The following CDCA8 variants were observed in gnomAD, a reference collection of about 807,000 sequenced individuals.
The protein encoded by CDCA8 is borealin.
Under a neutral mutation model 40.0 loss-of-function variants are expected in CDCA8, and 25 were observed. That is an observed-to-expected ratio of 0.63 (90% CI 0.46 to 0.87). The LOEUF is 0.87. CDCA8 is among the 40% of genes least tolerant of loss of function. CDCA8 has a pLI of 0.00. For synonymous variants in CDCA8, 111 were observed against 126.5 expected (o/e 0.88, Z 0.82); for missense variants, 280 against 348.4 (o/e 0.80, Z 1.56).
At chr1:37,706,832 C>T in intron 8 of CDCA8, 146 bp from the exon 9 acceptor site, 1 of 613,660 alleles carries the variant, frequency 1.6e-6, no homozygotes, top group Non-Finnish European at 2.9e-6. Context: ...AAGTCATTGT[C>T]TCCTTAGAGC....
intron 2 of CDCA8, among the ~76,000 whole-genome samples, chr1:37,695,368 T>TTAA (rs1278614007): frequency 7.8e-5 from 6 of 76,464 alleles, no homozygotes; most frequent in African/African-American, 3.1e-4. Flanking sequence ...CATCTCTACT[T>TTAA]AAAAAAAAAA....
chr1:37,708,593 A>G lies in CDCA8; in HGVS notation c.*227A>G. ...AGTCACTGCTTGCTGGGGCCATGCCATGGAAGCTTCCCATCAGTCTCCCAG... is the reference window on the plus strand; with the variant it reads ...AGTCACTGCTTGCTGGGGCCATGCCGTGGAAGCTTCCCATCAGTCTCCCAG... On this transcript the variant is annotated 3_prime_UTR_variant, in exon 10 of 10. Transcript: ENST00000373055. 1.8e-6 allele frequency: 1 copy of G among 566,106 alleles called. No homozygotes were observed. The highest frequency in any genetic ancestry group is 2.0e-5 in the South Asian group (1 of 48,836). 35.1% of individuals were successfully genotyped at this position (566,106 alleles called of 1,614,324 possible).
intron 5 of CDCA8, among the ~76,000 whole-genome samples, chr1:37,701,273 C>T (rs555341036): frequency 1.2e-4 from 19 of 152,132 alleles, no homozygotes; most frequent in Admixed American, 1.0e-3. Context: ...AGAGGAGCTC[C>T]TAAGGCAGAC....
intron 7 of CDCA8, 102 bp from the exon 8 acceptor site, chr1:37,705,339 C>T: frequency 9.0e-7 from 1 of 1,105,692 alleles, no homozygotes; most frequent in Non-Finnish European, 1.3e-6. Flanking sequence ...GAATGTATGA[C>T]TTAAAAACTG....
chr1:37,695,920 A>G lies in CDCA8; in HGVS notation c.234A>G (p.Gly78=). 6.2e-7 allele frequency: 1 copy of G among 1,614,026 alleles called. No individual in the cohort carries two copies. Among genetic ancestry groups the G allele is most frequent in the Non-Finnish European group, 8.5e-7 (1 of 1,179,886 alleles). ...ACGTTCTTTTTAAAGCCCTTGGAGG[A>G]AACAAACAGGCCCTGGAAGAGGCGG... ...MNWLDYFALG[G]NKQALEEAAT... Residue 78 remains glycine (G), a synonymous_variant, in exon 3 of 10, where the codon GGA becomes GGG. Coordinates refer to ENST00000373055, the MANE Select transcript of CDCA8 (RefSeq NM_001256875.2).
chr1:37,699,038 G>A, intron 4 of CDCA8, 61 bp downstream of exon 4: 1 of 1,143,818 alleles, frequency 8.7e-7, no homozygotes, highest in South Asian at 1.2e-5. Context: ...TTGCTTGGTT[G>A]GCTGCTCAGG....
intron 7 of CDCA8, among the ~76,000 whole-genome samples, chr1:37,705,081 T>G (rs2148290434): frequency 6.6e-6 from 1 of 152,314 alleles, no homozygotes; most frequent in East Asian, 1.9e-4. Flanking sequence ...TCATCCTCCT[T>G]TGCCTCTGAA....
Position 37,696,094 on chromosome 1 carries a change from A to G in CDCA8, c.264+144A>G. On this transcript the variant is annotated intron_variant, in intron 3 of 9. Coordinates refer to ENST00000373055, the MANE Select transcript of CDCA8 (RefSeq NM_001256875.2). The surrounding 1 kb of genome is among the most constrained non-coding windows in gnomAD (Gnocchi z 5.0). ...TCAACTGAAAAATTAGAGTTGGACC[A>G]GACACTGTATACATGAGACCCAGAT... 1 of 727,086 alleles carries G rather than the reference A, an allele frequency of 1.4e-6. No individual in the cohort carries two copies. Among genetic ancestry groups the G allele is most frequent in the South Asian group, 1.7e-5 (1 of 58,550 alleles). 45.0% of individuals were successfully genotyped at this position (727,086 alleles called of 1,614,324 possible). A position where few individuals can be genotyped will look rare whatever the true frequency, so the allele number is the denominator to read the frequency against.
At position 37,703,215 on chromosome 1, in the gene CDCA8, A is replaced by G. The variant is rs1207908407; in HGVS notation, c.489-37A>G. On this transcript the variant is annotated intron_variant, in intron 6 of 9. Coordinates refer to ENST00000373055, the MANE Select transcript of CDCA8 (RefSeq NM_001256875.2). ...TCTGCTGCTGCCTTCGTGGAACCTG[A>G]GAGTTGGCATACCTGATGGCCATTT... 4.7e-6 allele frequency: 7 copies of G among 1,495,252 alleles called. No homozygotes were observed. In the African/African-American group the frequency reaches 9.7e-5, roughly 21 times the overall value. The allele number at this position is 1,495,252 out of a possible 1,614,324, so 92.6% of individuals were successfully genotyped here. A position where few individuals can be genotyped will look rare whatever the true frequency, so the allele number is the denominator to read the frequency against.
At chr1:37,703,969 T>C (rs1645582005) in intron 7 of CDCA8, among the ~76,000 whole-genome samples, 1 of 152,168 alleles carries the variant, frequency 6.6e-6, no homozygotes. Flanking sequence ...ATTTATTTAT[T>C]ATGAGGCAGG....
Position 37,705,459 on chromosome 1 carries a change from C to T in CDCA8, c.603C>T (p.Gly201=). 1 of 1,614,030 alleles carries T rather than the reference C, an allele frequency of 6.2e-7. No homozygotes were observed. Among genetic ancestry groups the T allele is most frequent in the Middle Eastern group, 1.7e-4 (1 of 6,010 alleles). Residue 201 remains glycine, a synonymous_variant, in exon 8 of 10, where the codon GGC becomes GGT. Transcript: ENST00000373055. ...ATTCTAGGGTCTTCAAGACCCCTGG[C>T]CTGCGTACTCCAGCAGCAGGAGAGC... ...RFDSRVFKTP[G]LRTPAAGERI... is the part of the protein sequence containing the mutation.
At position 37,707,074 on chromosome 1, in the gene CDCA8, A is replaced by G. The variant is rs1373008698; in HGVS notation, c.798+10A>G. On this transcript the variant is annotated intron_variant, in intron 9 of 9. Transcript: ENST00000373055. Reference sequence around the variant, plus strand: ...CATTAAGAAGCTCTCCGTAAGTCTCATATTCATCTCCACACATAGGATGCC... The same window carrying G: ...CATTAAGAAGCTCTCCGTAAGTCTCGTATTCATCTCCACACATAGGATGCC... The G allele has an allele frequency of 6.2e-7, 1 of 1,606,850 alleles. No individual in the cohort carries two copies. Among genetic ancestry groups the G allele is most frequent in the Admixed American group, 1.7e-5 (1 of 60,012 alleles).
chr1:37,706,947 GC>G (rs764229589), intron 8 of CDCA8, 30 bp from the exon 9 acceptor site: 1 of 1,586,344 alleles, frequency 6.3e-7, no homozygotes, highest in Non-Finnish European at 8.7e-7. Flanking sequence ...AAGGGCCATG[GC>G]CAGTTTAACC....
rs370260234 is a variant in CDCA8, at chr1:37,700,443, G to C, written c.345G>C (p.Lys115Asn). ...QTPLKSAKTR[K>N]VIQVDEMIVE... ...TGAAACTGTTTCTTACAGCACGAAA[G>C]GTAATACAGGTAGATGAAATGATAG... Residue 115 changes from lysine to asparagine, a missense_variant, in exon 5 of 10, where the codon AAG becomes AAC. Transcript: ENST00000373055. 1.3e-5 allele frequency: 21 copies of C among 1,601,330 alleles called. No homozygotes were observed. Among genetic ancestry groups the C allele is most frequent in the Non-Finnish European group, 1.7e-6 (2 of 1,168,836 alleles).
chr1:37,697,898 C>G (rs1645538397), intron 3 of CDCA8, among the ~76,000 whole-genome samples: 1 of 152,230 alleles, frequency 6.6e-6, no homozygotes, highest in South Asian at 2.1e-4. Flanking sequence ...GTATGTCAAG[C>G]AGTCCCTACC....
In CDCA8 at chr1:37,708,723, G is replaced by A. The variant is rs1167366771; in HGVS notation, c.*357G>A. ...TTGAGGGGGCGAAGAAGAACCCTGT[G>A]TTCTCAGGAAGACTGCCTCCACCAC... On this transcript the variant is annotated 3_prime_UTR_variant, in exon 10 of 10. Transcript: ENST00000373055. 1 of 312,122 alleles carries A rather than the reference G, an allele frequency of 3.2e-6. No homozygotes were observed. Among genetic ancestry groups the A allele is most frequent in the Admixed American group, 4.2e-5 (1 of 23,986 alleles). 19.3% of individuals were successfully genotyped at this position (312,122 alleles called of 1,614,324 possible). A position where few individuals can be genotyped will look rare whatever the true frequency, so the allele number is the denominator to read the frequency against.
At position 37,695,420 on chromosome 1, in the gene CDCA8, T is replaced by C. The variant is rs1009350520; in HGVS notation, c.224-490T>C. ...CAACCTGGACAACTTGGCGAAACCC[T>C]ATCTCTACAAAAAAACACAAAAATT... On this transcript the variant is annotated intron_variant, in intron 2 of 9. Transcript: ENST00000373055. Among the ~76,000 whole-genome samples the C allele has an allele frequency of 3.2e-5, 4 of 124,606 alleles. No homozygotes were observed. The Admixed American group carries it at 3.3e-4, about 10-fold the overall frequency. 81.7% of individuals were successfully genotyped at this position (124,606 alleles called of 152,430 possible).
In CDCA8 at chr1:37,696,232, G is replaced by C. The variant is rs1247070523; in HGVS notation, c.264+282G>C. 1.3e-5 allele frequency among the ~76,000 whole-genome samples: 2 copies of C among 152,114 alleles called. No homozygotes were observed. Among genetic ancestry groups the C allele is most frequent in the Non-Finnish European group, 2.9e-5 (2 of 68,014 alleles). On this transcript the variant is annotated intron_variant, in intron 3 of 9. Coordinates refer to ENST00000373055, the MANE Select transcript of CDCA8 (RefSeq NM_001256875.2). This position sits in a 1 kb window ranked among gnomAD's most constrained non-coding sequence, Gnocchi z 5.0. ...GCCTCAAGCCCAAGTTCCTTTAAGCGCCTGAGTCATTACACTATGCATTGG... is the reference window on the plus strand; with the variant it reads ...GCCTCAAGCCCAAGTTCCTTTAAGCCCCTGAGTCATTACACTATGCATTGG...
intron 5 of CDCA8, 60 bp downstream of exon 5, chr1:37,700,581 A>G (rs1645557350): frequency 1.0e-6 from 1 of 959,072 alleles, no homozygotes; most frequent in Admixed American, 1.7e-5. Context: ...ATACAAATGC[A>G]TAAAATACAC....
Sources: gnomAD v4.1 joint callset for allele counts (sites outside exome capture counted in the v4.1 genomes callset) on GRCh38, gnomAD v4.1.1 for gene constraint, Gnocchi (gnomAD v3.1) non-coding constraint, MANE v1.5 for transcripts, NCBI Gene and HGNC (gene_info 2026-07-23, HGNC 2026-07-21) for gene names.